ADGRA2: variants seen among roughly 807,000 people sequenced by gnomAD.
The protein encoded by ADGRA2 is adhesion G protein-coupled receptor A2, also known as G-protein coupled receptor 124.
ADGRA2 carries 61 observed loss-of-function variants against 98.7 expected under a neutral mutation model. The ratio of observed to expected loss-of-function variants is 0.62; its 90% CI spans 0.50 to 0.76. The LOEUF (loss-of-function observed/expected upper bound fraction) is 0.76. ADGRA2 is among the 30% of genes least tolerant of loss of function. ADGRA2 has a pLI of 0.00. For synonymous variants in ADGRA2, 858 were observed against 831.5 expected, an observed-to-expected ratio of 1.03 and a Z score of -0.55; for missense variants, 1,712 against 1,860.0, an observed-to-expected ratio of 0.92 and a Z score of 1.46.
chr8:37,799,241 AGC>A (rs1165466123), intron 1 of ADGRA2, among the ~76,000 whole-genome samples: 3 of 151,904 alleles, frequency 2.0e-5, no homozygotes, highest in Non-Finnish European at 4.4e-5. Flanking sequence ...CAGGCGTGGT[AGC>A]GCGCGCCTGT....
intron 1 of ADGRA2, among the ~76,000 whole-genome samples, chr8:37,803,408 G>A (rs984251633): frequency 2.0e-5 from 3 of 152,182 alleles, no homozygotes; most frequent in African/African-American, 7.2e-5. Flanking sequence ...GAGCAGGGGC[G>A]GGGAGAGGAG....
In ADGRA2 at chr8:37,842,410, CTCGGGGCCCTCCAAGGTGTCTCCGTAG is replaced by C. The variant is rs1585412575; in HGVS notation, c.*58_*84del. On this transcript the variant is annotated 3_prime_UTR_variant, in exon 19 of 19. Transcript: ENST00000412232. Reference sequence around the variant, plus strand: ...GGCCACGCGGCTCGTTCCCCCGCTCCTCGGGGCCCTCCAAGGTGTCTCCGTAGTCAGCAGGTTGGAGGCAGAGGAGCC... The same window carrying C: ...GGCCACGCGGCTCGTTCCCCCGCTCCTCAGCAGGTTGGAGGCAGAGGAGCC... The C allele has an allele frequency of 3.5e-6, 5 of 1,415,686 alleles. No homozygotes were observed. In the East Asian group the frequency reaches 1.4e-4, roughly 40 times the overall value. 87.7% of individuals were successfully genotyped at this position (1,415,686 alleles called of 1,614,324 possible).
chr8:37,805,793 C>A (rs1372242276), intron 1 of ADGRA2, among the ~76,000 whole-genome samples: 1 of 151,972 alleles, frequency 6.6e-6, no homozygotes, highest in Non-Finnish European at 1.5e-5. Flanking sequence ...TACTTGGACC[C>A]GGGAGGTGGA....
At position 37,843,982 on chromosome 8, in the gene ADGRA2, G is replaced by A. The variant is rs1237748709; in HGVS notation, c.*1627G>A. 6.4e-6 allele frequency: 1 copy of A among 156,440 alleles called. No individual in the cohort carries two copies. The highest frequency in any genetic ancestry group is 1.4e-5 in the Non-Finnish European group (1 of 70,320). The allele number at this position is 156,440 out of a possible 1,614,324, so 9.7% of individuals were successfully genotyped here. ...CAAAGCCCTTTGAGCTACTGCCTTA[G>A]TCTACCCACTGTCCTTTTGTTATGA... On this transcript the variant is annotated 3_prime_UTR_variant, in exon 19 of 19. Coordinates refer to ENST00000412232, the MANE Select transcript of ADGRA2 (RefSeq NM_032777.10).
intron 1 of ADGRA2, among the ~76,000 whole-genome samples, chr8:37,811,927 A>G (rs1028785422): frequency 7.5e-6 from 1 of 133,834 alleles, no homozygotes; most frequent in African/African-American, 2.8e-5. Context: ...ACATGGTGAA[A>G]CCCCGCCTCT....
chr8:37,842,028 C>T lies in ADGRA2; in HGVS notation c.3690C>T (p.Tyr1230=). The part of the protein sequence containing the change: ...GSLHNSPTDS[Y]LGSSRNSPGA... ...TGCACAACAGCCCCACCGACAGCTA[C>T]CTGGGCAGCAGCCGCAACAGCCCGG... is the stretch of plus-strand genomic sequence containing the variant. The change falls in exon 19 of 19, where the codon TAC becomes TAT. Residue 1230 remains tyrosine (Y), a synonymous_variant. Coordinates refer to ENST00000412232, the MANE Select transcript of ADGRA2 (RefSeq NM_032777.10). 6.6e-7 allele frequency: 1 copy of T among 1,520,014 alleles called. No individual in the cohort carries two copies. The highest frequency in any genetic ancestry group is 2.6e-5 in the East Asian group (1 of 39,018). 94.2% of individuals were successfully genotyped at this position (1,520,014 alleles called of 1,614,324 possible).
At chr8:37,831,696 A>G (rs1167907184) in intron 8 of ADGRA2, 109 bp downstream of exon 8, 10 of 892,802 alleles carry the variant, frequency 1.1e-5, no homozygotes, top group Non-Finnish European at 1.7e-5. Flanking sequence ...GTTGGGTCCT[A>G]AAGATGGAGA....
intron 2 of ADGRA2, among the ~76,000 whole-genome samples, chr8:37,825,987 T>C (rs1805268992): frequency 1.3e-5 from 2 of 152,174 alleles, no homozygotes; most frequent in East Asian, 3.9e-4. Context: ...CCAGCATGGC[T>C]GGGCTGCAGG....
chr8:37,839,145 C>T, intron 15 of ADGRA2, 62 bp downstream of exon 15: 2 of 1,586,400 alleles, frequency 1.3e-6, no homozygotes, highest in Non-Finnish European at 8.6e-7. Flanking sequence ...CCTACCCTGT[C>T]CACTTCCCGT....
intron 18 of ADGRA2, 88 bp from the exon 19 acceptor site, chr8:37,840,998 C>A: frequency 7.4e-7 from 1 of 1,348,482 alleles, no homozygotes; most frequent in Non-Finnish European, 1.0e-6. Context: ...TCCGTACTCA[C>A]CATATCCTGT....
chr8:37,803,260 C>T (rs1363830313), intron 1 of ADGRA2, among the ~76,000 whole-genome samples: 1 of 152,192 alleles, frequency 6.6e-6, no homozygotes, highest in African/African-American at 2.4e-5. Flanking sequence ...CCTTCCACTC[C>T]GTGGAGGCAC....
At chr8:37,835,096 G>T in intron 11 of ADGRA2, 78 bp from the exon 12 acceptor site, 2 of 1,006,738 alleles carry the variant, frequency 2.0e-6, no homozygotes, top group Non-Finnish European at 3.1e-6. Flanking sequence ...GCCTGAGCAG[G>T]CCCATTGAGA....
intron 2 of ADGRA2, among the ~76,000 whole-genome samples, chr8:37,824,994 T>C (rs1386074187): frequency 6.6e-6 from 1 of 152,218 alleles, no homozygotes; most frequent in Non-Finnish European, 1.5e-5. Flanking sequence ...GGGCATGATT[T>C]GCTCCCAGGA....
rs1238773862 is a variant in ADGRA2, at chr8:37,841,911, C to T, written c.3573C>T (p.Arg1191=). The change falls in exon 19 of 19, where the codon CGC becomes CGT. Residue 1191 remains arginine, a synonymous_variant. Transcript: ENST00000412232. This position sits in a 1 kb window ranked among gnomAD's most constrained non-coding sequence, Gnocchi z 5.0. ...RAHKSRAKGH[R]AGEACGKNRL... is the part of the protein sequence containing the mutation. ...ACAAGAGCCGGGCCAAGGGACACCGCGCGGGGGAGGCCTGCGGCAAGAACC... is the reference window on the plus strand; with the variant it reads ...ACAAGAGCCGGGCCAAGGGACACCGTGCGGGGGAGGCCTGCGGCAAGAACC... 2 of 1,528,128 alleles carry T rather than the reference C, an allele frequency of 1.3e-6. No individual in the cohort carries two copies. Among genetic ancestry groups the T allele is most frequent in the Non-Finnish European group, 1.7e-6 (2 of 1,144,492 alleles). The allele number at this position is 1,528,128 out of a possible 1,614,324, so 94.7% of individuals were successfully genotyped here.
At chr8:37,836,038 A>C (rs886889172) in intron 13 of ADGRA2, among the ~76,000 whole-genome samples, 4 of 124,494 alleles carry the variant, frequency 3.2e-5, no homozygotes, top group East Asian at 2.4e-4. Flanking sequence ...AGCCCCCTCC[A>C]ACACACACAC....
At chr8:37,837,997 T>G in intron 14 of ADGRA2, 58 bp downstream of exon 14, 1 of 1,306,890 alleles carries the variant, frequency 7.7e-7, no homozygotes, top group Non-Finnish European at 1.0e-6. Flanking sequence ...GGGTGGAAAA[T>G]GGGGGTGGGT....
At position 37,814,920 on chromosome 8, in the gene ADGRA2, G is replaced by A. The variant is rs768175026; in HGVS notation, c.291G>A (p.Thr97=). 11 of 1,613,148 alleles carry A rather than the reference G, an allele frequency of 6.8e-6. No individual in the cohort carries two copies. Among genetic ancestry groups the A allele is most frequent in the Non-Finnish European group, 9.3e-6 (11 of 1,179,192 alleles). ...VTLLLSNNKI[T]GLRNGSFLGL... is the part of the protein sequence containing the mutation. ...GGCTCTTGAGCAATAACAAGATCAC[G>A]GGGCTCCGCAATGGCTCCTTCCTGG... Residue 97 remains threonine, a synonymous_variant, in exon 2 of 19, where the codon ACG becomes ACA. Coordinates refer to ENST00000412232, the MANE Select transcript of ADGRA2 (RefSeq NM_032777.10). The surrounding 1 kb of genome is among the most constrained non-coding windows in gnomAD (Gnocchi z 4.3).
rs78244266 is a variant in ADGRA2, at chr8:37,814,434, G to A, written c.267-462G>A. On this transcript the variant is annotated intron_variant, in intron 1 of 18. Coordinates refer to ENST00000412232, the MANE Select transcript of ADGRA2 (RefSeq NM_032777.10). The surrounding 1 kb of genome is among the most constrained non-coding windows in gnomAD (Gnocchi z 4.3). ...GAGAGTGTGCGAGCCTCCGAGGAAG[G>A]GCAGCTCCCGCCTGCCTCCAGACCT... Among the ~76,000 whole-genome samples, 236 of 152,324 alleles carry A rather than the reference G, an allele frequency of 1.5e-3. No homozygotes were observed. The highest frequency in any genetic ancestry group is 4.8e-3 in the African/African-American group (198 of 41,576).
intron 1 of ADGRA2, among the ~76,000 whole-genome samples, chr8:37,811,152 C>CTGTG (rs542541010): frequency 6.1e-4 from 48 of 78,298 alleles, no homozygotes; most frequent in African/African-American, 2.1e-3. Context: ...AACTTTTATA[C>CTGTG]TGTGTGTGTG....
Sources: allele counts gnomAD v4.1 joint callset (sites outside exome capture counted in the v4.1 genomes callset), GRCh38; gene constraint gnomAD v4.1.1; non-coding constraint Gnocchi (gnomAD v3.1); transcripts MANE v1.5; gene names NCBI Gene and HGNC (gene_info 2026-07-23, HGNC 2026-07-21).